The following MACROD2 variants were observed in gnomAD, a reference collection of about 807,000 sequenced individuals.
MACROD2 encodes mono-ADP ribosylhydrolase 2.
MACROD2 carries 36 observed loss-of-function variants against 70.4 expected under a neutral mutation model. The observed-to-expected ratio is 0.51, with a 90% CI of 0.39 to 0.68. The LOEUF (loss-of-function observed/expected upper bound fraction) is 0.68. Among genes scored for constraint, MACROD2 ranks in the 30% least tolerant of loss-of-function variants. The pLI is 0.00. For missense variants in MACROD2, 496 were observed against 538.4 expected (o/e 0.92, Z 0.78); for synonymous variants, 172 against 178.8 (o/e 0.96, Z 0.30).
At chr20:14,452,866 C>G (rs1373301066) in intron 3 of MACROD2, among the ~76,000 whole-genome samples, 1 of 152,140 alleles carries the variant, frequency 6.6e-6, no homozygotes, top group Non-Finnish European at 1.5e-5. Flanking sequence ...TGATGCACAT[C>G]TTACATCTTG....
chr20:14,721,419 C>A (rs2071468653), intron 5 of MACROD2, among the ~76,000 whole-genome samples: 1 of 151,758 alleles, frequency 6.6e-6, no homozygotes. Flanking sequence ...ACCAGAAAAC[C>A]CCCACAAAAC....
chr20:14,582,387 C>T (rs1025153923), intron 4 of MACROD2, among the ~76,000 whole-genome samples: 2 of 152,240 alleles, frequency 1.3e-5, no homozygotes, highest in East Asian at 1.9e-4. Context: ...CCCATGCTTT[C>T]GTCTGCTGCC....
At chr20:14,999,366 G>A (rs76308331) in intron 5 of MACROD2, among the ~76,000 whole-genome samples, 11,498 of 152,218 alleles carry the variant, frequency 0.076, 876 homozygotes, top group African/African-American at 0.19. Flanking sequence ...AGTATAATAT[G>A]TGAACATATA....
At chr20:14,037,695 T>C (rs1297404571) in intron 2 of MACROD2, among the ~76,000 whole-genome samples, 1 of 152,102 alleles carries the variant, frequency 6.6e-6, no homozygotes, top group Non-Finnish European at 1.5e-5. Context: ...AGGTTGGTGA[T>C]AAAGGGAAAC....
intron 10 of MACROD2, among the ~76,000 whole-genome samples, chr20:15,918,437 C>T (rs2065352499): frequency 1.3e-5 from 2 of 152,248 alleles, no homozygotes; most frequent in South Asian, 4.1e-4. Flanking sequence ...TCTAACTTGA[C>T]ATGTTTTAAT....
chr20:15,840,455 C>T (rs78575621), intron 8 of MACROD2, among the ~76,000 whole-genome samples: 2,296 of 152,212 alleles, frequency 0.015, 66 homozygotes, highest in African/African-American at 0.053. Context: ...AAGCATCCTC[C>T]TTTAACTCAA....
At chr20:14,954,653 T>C (rs1302644439) in intron 5 of MACROD2, among the ~76,000 whole-genome samples, 1 of 128,010 alleles carries the variant, frequency 7.8e-6, no homozygotes, top group Non-Finnish European at 1.6e-5. Context: ...ATATATATAA[T>C]TTAGGTAAAT....
At chr20:14,969,311 AG>A (rs1457373725) in intron 5 of MACROD2, among the ~76,000 whole-genome samples, 2 of 151,628 alleles carry the variant, frequency 1.3e-5, no homozygotes, top group African/African-American at 4.8e-5. Flanking sequence ...TTTTTTCCAT[AG>A]GAAAAACTGA....
intron 8 of MACROD2, among the ~76,000 whole-genome samples, chr20:15,566,608 T>C (rs2048314419): frequency 6.6e-6 from 1 of 152,188 alleles, no homozygotes; most frequent in South Asian, 2.1e-4. Flanking sequence ...CGTTCCCTTC[T>C]AACTCCATTC....
At chr20:14,717,799 G>A (rs2071413708) in intron 5 of MACROD2, among the ~76,000 whole-genome samples, 1 of 152,106 alleles carries the variant, frequency 6.6e-6, no homozygotes, top group Non-Finnish European at 1.5e-5. Flanking sequence ...AGGGAGATAG[G>A]GAGGATGTTA....
chr20:15,516,025 G>A (rs2047562288), intron 8 of MACROD2, among the ~76,000 whole-genome samples: 4 of 152,190 alleles, frequency 2.6e-5, no homozygotes, highest in Admixed American at 2.6e-4. Flanking sequence ...TAGCTGATGG[G>A]CACACGGCTT....
chr20:14,686,439 T>C (rs2071003318), intron 5 of MACROD2, among the ~76,000 whole-genome samples: 1 of 152,228 alleles, frequency 6.6e-6, no homozygotes, highest in Admixed American at 6.5e-5. Context: ...AAGTGTGGAA[T>C]TTTCCACTTG....
intron 8 of MACROD2, among the ~76,000 whole-genome samples, chr20:15,824,063 C>A (rs551391280): frequency 2.0e-5 from 3 of 152,106 alleles, no homozygotes; most frequent in South Asian, 2.1e-4. Flanking sequence ...AATTGCTGAG[C>A]AATTGGTGGC....
At chr20:14,035,336 A>C (rs937659758) in intron 2 of MACROD2, among the ~76,000 whole-genome samples, 16 of 152,176 alleles carry the variant, frequency 1.1e-4, no homozygotes, top group African/African-American at 3.9e-4. Flanking sequence ...ATATGATAGT[A>C]ATTTTACTGT....
intron 3 of MACROD2, among the ~76,000 whole-genome samples, chr20:14,467,620 C>A (rs909785546): frequency 6.6e-6 from 1 of 152,086 alleles, no homozygotes; most frequent in Non-Finnish European, 1.5e-5. Flanking sequence ...CTGTGTCACT[C>A]ACCCTGGGAG....
intron 8 of MACROD2, among the ~76,000 whole-genome samples, chr20:15,729,738 T>A (rs1339347509): frequency 2.0e-5 from 3 of 151,934 alleles, no homozygotes; most frequent in African/African-American, 7.2e-5. Context: ...TTCCATTTGC[T>A]TAGTAAATTT....
At chr20:14,013,273 CTT>C (rs770856375) in intron 2 of MACROD2, among the ~76,000 whole-genome samples, 13 of 128,696 alleles carry the variant, frequency 1.0e-4, no homozygotes, top group Non-Finnish European at 8.3e-5. Flanking sequence ...ACTGTACTTT[CTT>C]TTTTTTTTTT....
At position 14,711,589 on chromosome 20, in the gene MACROD2, A is replaced by G. The variant is rs1430386020; in HGVS notation, c.418+26630A>G. Among the ~76,000 whole-genome samples the G allele has an allele frequency of 2.0e-5, 3 of 152,168 alleles. No individual in the cohort carries two copies. In the East Asian group the frequency reaches 5.8e-4, roughly 29 times the overall value. ...TCCACATTCATCTTGGGGCTAATTT[A>G]TTTCCTTTACAAAACTAACGAGTGT... On this transcript the variant is annotated intron_variant, in intron 5 of 17. Coordinates refer to ENST00000684519, the MANE Select transcript of MACROD2 (RefSeq NM_001351661.2).
chr20:15,729,868 G>A (rs1205572830), intron 8 of MACROD2, among the ~76,000 whole-genome samples: 5 of 92,442 alleles, frequency 5.4e-5, no homozygotes, highest in East Asian at 6.4e-4. Context: ...CACTCTTGTC[G>A]CCCAGGCTGG....
Sources: gnomAD v4.1 joint callset for allele counts (sites outside exome capture counted in the v4.1 genomes callset) on GRCh38, gnomAD v4.1.1 for gene constraint, MANE v1.5 for transcripts, NCBI Gene and HGNC (gene_info 2026-07-23, HGNC 2026-07-21) for gene names.